The following VAV2 variants were observed in gnomAD, a reference collection of about 807,000 sequenced individuals.
The protein encoded by VAV2 is guanine nucleotide exchange factor VAV2.
Under a neutral mutation model 132.5 loss-of-function variants are expected in VAV2, and 67 were observed. That is an observed-to-expected ratio of 0.51 (90% CI 0.42 to 0.62). The LOEUF (loss-of-function observed/expected upper bound fraction) is 0.62, where lower values mean the gene tolerates loss of function less well. VAV2 is among the 20% of genes least tolerant of loss of function. The pLI is 0.00. For missense variants in VAV2, 938 were observed against 1,153.6 expected (o/e 0.81, Z 2.71); for synonymous variants, 492 against 443.5 (o/e 1.11, Z -1.37).
intron 3 of VAV2, among the ~76,000 whole-genome samples, chr9:133,854,799 A>C (rs1837324915): frequency 6.6e-6 from 1 of 152,174 alleles, no homozygotes; most frequent in South Asian, 2.1e-4. Flanking sequence ...AGGAAAGAAA[A>C]GGAAAAAAAA....
intron 1 of VAV2, among the ~76,000 whole-genome samples, chr9:133,940,454 A>G (rs1841097358): frequency 1.3e-5 from 2 of 152,182 alleles, no homozygotes; most frequent in African/African-American, 4.8e-5. Flanking sequence ...TCAGAGCCTA[A>G]GAGCGTAAAC....
At chr9:133,776,203 T>G in intron 23 of VAV2, 123 bp from the exon 24 acceptor site, 1 of 1,366,082 alleles carries the variant, frequency 7.3e-7, no homozygotes, top group Non-Finnish European at 9.7e-7. Flanking sequence ...GGACTGTCTG[T>G]GGACTTAGCC....
rs928167622 is a variant in VAV2, at chr9:133,797,882, A to G, written c.837-73T>C. 5.8e-5 allele frequency: 83 copies of G among 1,440,228 alleles called. No individual in the cohort carries two copies. The African/African-American group carries it at 1.1e-3, about 18-fold the overall frequency. 89.2% of individuals were successfully genotyped at this position (1,440,228 alleles called of 1,614,324 possible). The stretch of plus-strand genomic sequence containing the variant: ...GCTCGGGGCTGCAGTGAGCCCGTCC[A>G]TTTTTCCCAGCAGGCTGTAGGTGCG... On this transcript the variant is annotated intron_variant, in intron 9 of 29. Coordinates refer to ENST00000371850, the MANE Select transcript of VAV2 (RefSeq NM_001134398.2).
At chr9:133,964,376 A>G (rs1342802139) in intron 1 of VAV2, among the ~76,000 whole-genome samples, 1 of 151,890 alleles carries the variant, frequency 6.6e-6, no homozygotes, top group African/African-American at 2.4e-5. Context: ...ATTTGTACAA[A>G]TATATACACA....
rs371794013 is a variant in VAV2, at chr9:133,796,411, C to T, written c.1032+18G>A. On this transcript the variant is annotated intron_variant, in intron 11 of 29. Transcript: ENST00000371850. ...CAGCAGTGATGACCCCGCAGGCACC[C>T]GGGGCCCAGAGCCTCACCTTCAAGA... 19 of 1,608,576 alleles carry T rather than the reference C, an allele frequency of 1.2e-5. No individual in the cohort carries two copies. Among genetic ancestry groups the T allele is most frequent in the East Asian group, 2.2e-5 (1 of 44,828 alleles).
At chr9:133,846,301 T>TGGCACCTCCTGTC (rs1375322828) in intron 3 of VAV2, among the ~76,000 whole-genome samples, 5 of 151,994 alleles carry the variant, frequency 3.3e-5, no homozygotes, top group South Asian at 4.1e-4. Context: ...GTGTCACCCC[T>TGGCACCTCCTGTC]GGCACCTCCT....
intron 1 of VAV2, among the ~76,000 whole-genome samples, chr9:133,985,023 A>C (rs1413609639): frequency 6.6e-6 from 1 of 152,140 alleles, no homozygotes; most frequent in Non-Finnish European, 1.5e-5. Context: ...TGTGGCTTAC[A>C]TTATATTTCT....
intron 3 of VAV2, 68 bp downstream of exon 3, chr9:133,861,306 G>T (rs900092548): frequency 9.2e-6 from 14 of 1,518,240 alleles, no homozygotes; most frequent in Middle Eastern, 1.8e-4. Flanking sequence ...CAGTATCTGT[G>T]ACAAGGCACG....
chr9:133,875,929 G>A (rs115250356), intron 2 of VAV2, among the ~76,000 whole-genome samples: 183 of 152,326 alleles, frequency 1.2e-3, no homozygotes, highest in African/African-American at 4.1e-3. Context: ...ACCCAACTGC[G>A]GGGGCCCAAA....
Position 133,826,805 on chromosome 9 carries a change from C to T in VAV2, c.449+7467G>A, listed in dbSNP as rs961307149. 1.1e-4 allele frequency among the ~76,000 whole-genome samples: 16 copies of T among 152,170 alleles called. No individual in the cohort carries two copies. The highest frequency in any genetic ancestry group is 8.3e-4 in the South Asian group (4 of 4,824). ...GGGGACCTCTGACCTGCCGGCACCACGGGAGGGAGGGCAGAGGCAGGCGGC... is the reference window on the plus strand; with the variant it reads ...GGGGACCTCTGACCTGCCGGCACCATGGGAGGGAGGGCAGAGGCAGGCGGC... On this transcript the variant is annotated intron_variant, in intron 4 of 29. Transcript: ENST00000371850. The surrounding 1 kb of genome is among the most constrained non-coding windows in gnomAD (Gnocchi z 4.2).
intron 2 of VAV2, among the ~76,000 whole-genome samples, chr9:133,907,871 T>TCCC (rs1839723114): frequency 7.8e-6 from 1 of 127,454 alleles, no homozygotes; most frequent in African/African-American, 3.1e-5. Flanking sequence ...CCCTTTCCTT[T>TCCC]ACCGCCCTCC....
At chr9:133,949,278 C>T (rs556007083) in intron 1 of VAV2, among the ~76,000 whole-genome samples, 35 of 152,320 alleles carry the variant, frequency 2.3e-4, no homozygotes, top group South Asian at 8.3e-4. Context: ...CCTCCTTCCC[C>T]GAGGACGCCC....
intron 2 of VAV2, among the ~76,000 whole-genome samples, chr9:133,931,704 G>A (rs1411155201): frequency 6.6e-6 from 1 of 152,190 alleles, no homozygotes; most frequent in Non-Finnish European, 1.5e-5. Context: ...GTGCCCAGGA[G>A]GCTCTGATCA....
At chr9:133,839,980 C>T (rs1237101196) in intron 3 of VAV2, among the ~76,000 whole-genome samples, 2 of 152,148 alleles carry the variant, frequency 1.3e-5, no homozygotes, top group African/African-American at 4.8e-5. Context: ...CCTAGCTCCA[C>T]CCCCCACTCC....
At chr9:133,813,856 C>T (rs976974927) in intron 4 of VAV2, among the ~76,000 whole-genome samples, 1 of 152,218 alleles carries the variant, frequency 6.6e-6, no homozygotes, top group African/African-American at 2.4e-5. Flanking sequence ...TGTGTGCCAG[C>T]GCCTGTAGAA....
chr9:133,805,968 G>T, intron 9 of VAV2, 113 bp downstream of exon 9: 2 of 1,156,178 alleles, frequency 1.7e-6, no homozygotes, highest in South Asian at 1.5e-5. Flanking sequence ...CAGAGGGGGC[G>T]GCCCCTGCCT....
chr9:133,974,305 C>A (rs1401551552), intron 1 of VAV2, among the ~76,000 whole-genome samples: 15 of 152,176 alleles, frequency 9.9e-5, no homozygotes, highest in Non-Finnish European at 1.5e-5. Flanking sequence ...CTCCAGCTCC[C>A]TTGCACAAGG....
intron 1 of VAV2, among the ~76,000 whole-genome samples, chr9:133,945,576 T>C (rs1335951276): frequency 6.6e-6 from 1 of 152,158 alleles, no homozygotes; most frequent in Non-Finnish European, 1.5e-5. Context: ...GGCAGGCCCA[T>C]GCCCGGGAAA....
intron 1 of VAV2, among the ~76,000 whole-genome samples, chr9:133,982,587 C>T (rs1052964509): frequency 1.5e-4 from 23 of 152,108 alleles, no homozygotes; most frequent in Non-Finnish European, 3.1e-4. Flanking sequence ...CAGGAGGGCG[C>T]GGCAGACTCC....
Sources: gnomAD v4.1 joint callset for allele counts (sites outside exome capture counted in the v4.1 genomes callset) on GRCh38, gnomAD v4.1.1 for gene constraint, Gnocchi (gnomAD v3.1) non-coding constraint, MANE v1.5 for transcripts, NCBI Gene and HGNC (gene_info 2026-07-23, HGNC 2026-07-21) for gene names.